Variants in PCNX2 observed in about 807,000 individuals in gnomAD.
PCNX2 encodes pecanex-like protein 2.
In PCNX2, 168 loss-of-function variants were observed where a neutral mutation model predicts 223.8. The ratio of observed to expected loss-of-function variants is 0.75; its 90% confidence interval spans 0.66 to 0.85. The LOEUF is 0.85. Ranked by LOEUF, PCNX2 falls within the 40% of genes least tolerant of loss-of-function variation. PCNX2 has a pLI of 0.00. For synonymous variants in PCNX2, 1,006 were observed against 1,052.6 expected, an observed-to-expected ratio of 0.96 and a Z score of 0.86; for missense variants, 2,507 against 2,675.5, an observed-to-expected ratio of 0.94 and a Z score of 1.39.
chr1:233,016,502 A>G (rs564840107), intron 27 of PCNX2, among the ~76,000 whole-genome samples: 2 of 152,334 alleles, frequency 1.3e-5, no homozygotes, highest in South Asian at 4.1e-4. Flanking sequence ...CAAAATAACG[A>G]TGACAGAAGT....
At chr1:233,202,218 T>TA (rs1345455749) in intron 13 of PCNX2, 1 of 468,370 alleles carries the variant, frequency 2.1e-6, no homozygotes, top group South Asian at 1.6e-5. Context: ...TTTTCAGAAG[T>TA]AAAAAAGTCT....
intron 19 of PCNX2, among the ~76,000 whole-genome samples, chr1:233,153,987 C>T (rs1677967439): frequency 6.6e-6 from 1 of 152,134 alleles, no homozygotes. Context: ...TTAAGAATTG[C>T]AAATTTGGGA....
intron 1 of PCNX2, among the ~76,000 whole-genome samples, chr1:233,267,535 C>G (rs1660405516): frequency 6.6e-6 from 1 of 150,976 alleles, no homozygotes; most frequent in Admixed American, 6.6e-5. Flanking sequence ...CCCCACCCCC[C>G]ATCCCCTGGC....
At chr1:233,302,331 ACTATC>A in the PCNX2 span, among the ~76,000 whole-genome samples, 2,258 of 152,186 alleles carry the variant, frequency 0.015, 95 homozygotes, top group East Asian at 0.19. Context: ...AGTTTGTCAT[ACTATC>A]CTCTTGTGAT....
At chr1:233,166,156 G>A (rs1558301234) in intron 17 of PCNX2, among the ~76,000 whole-genome samples, 1 of 151,726 alleles carries the variant, frequency 6.6e-6, no homozygotes, top group Non-Finnish European at 1.5e-5. Flanking sequence ...GAAAGGTGCT[G>A]GAACAATGGA....
the PCNX2 span, among the ~76,000 whole-genome samples, chr1:233,301,620 T>G: frequency 3.9e-5 from 6 of 152,156 alleles, no homozygotes; most frequent in Non-Finnish European, 7.4e-5. Context: ...CAAGGTTGGC[T>G]TAACATCCAA....
In PCNX2 at chr1:233,208,526, T is replaced by C; in HGVS notation, c.2855A>G (p.Tyr952Cys). The C allele has an allele frequency of 6.2e-7, 1 of 1,613,294 alleles. No individual in the cohort carries two copies. The highest frequency in any genetic ancestry group is 8.5e-7 in the Non-Finnish European group (1 of 1,179,442). Residue 952 changes from tyrosine to cysteine, a missense_variant, in exon 13 of 34, where the codon TAC (tyrosine) becomes TGC (cysteine). Physicochemically the swap from Tyr to Cys is radical, Grantham distance 194 (BLOSUM62 -2). Around this residue, in one of 3 missense-constraint regions of PCNX2, gnomAD observed 104 missense variants for 144.4 expected, o/e 0.72. Coordinates refer to ENST00000258229, the MANE Select transcript of PCNX2 (RefSeq NM_014801.4). ...CCCCATAATTAACTCACCTATTAAG[T>C]AGTCCCTAGCTGATTGTAGAAACAC... Reference protein sequence around the residue: ...SPVFLQSARDYLIVFLYCFPA... With the variant: ...SPVFLQSARDCLIVFLYCFPA...
chr1:232,985,607 C>G (rs1317298473), intron 33 of PCNX2: 1 of 267,928 alleles, frequency 3.7e-6, no homozygotes, highest in Admixed American at 4.8e-5. Context: ...CCTTAGAACT[C>G]TCCTTGTCTA....
rs201663777 is a variant in PCNX2, at chr1:233,094,574, AAGTT to A, written c.3946+1177_3946+1180del. On this transcript the variant is annotated intron_variant, in intron 22 of 33. Coordinates refer to ENST00000258229, the MANE Select transcript of PCNX2 (RefSeq NM_014801.4). ...GTATGCTTAACATTTTTTTTAAAAA[AAGTT>A]AGGGCCTGGAAGAAATCATTTTTCA... Among the ~76,000 whole-genome samples the A allele has an allele frequency of 2.5e-4, 38 of 152,236 alleles. 1 individual carries two copies. The South Asian group carries it at 4.1e-3, about 17-fold the overall frequency.
At chr1:233,002,619 T>C (rs1014644456) in intron 28 of PCNX2, among the ~76,000 whole-genome samples, 2 of 152,234 alleles carry the variant, frequency 1.3e-5, no homozygotes, top group Non-Finnish European at 2.9e-5. Context: ...CCCATCAAGC[T>C]ACCACTGACT....
At chr1:233,138,783 C>CA (rs1266072469) in intron 20 of PCNX2, among the ~76,000 whole-genome samples, 1 of 152,186 alleles carries the variant, frequency 6.6e-6, no homozygotes, top group Non-Finnish European at 1.5e-5. Flanking sequence ...AGGCAGAGTT[C>CA]AATAAGGACA....
At chr1:233,119,306 T>C (rs1359866112) in intron 21 of PCNX2, among the ~76,000 whole-genome samples, 1 of 145,624 alleles carries the variant, frequency 6.9e-6, no homozygotes, top group Non-Finnish European at 1.5e-5. Flanking sequence ...ATGCCTGTAA[T>C]CACAGCACTT....
intron 9 of PCNX2, among the ~76,000 whole-genome samples, chr1:233,236,355 T>C (rs1390089751): frequency 6.6e-6 from 1 of 152,136 alleles, no homozygotes; most frequent in African/African-American, 2.4e-5. Context: ...AGTTATCTCT[T>C]AGTAAAATAA....
chr1:233,174,522 G>A (rs1446043858), intron 17 of PCNX2, among the ~76,000 whole-genome samples: 1 of 151,698 alleles, frequency 6.6e-6, no homozygotes, highest in East Asian at 1.9e-4. Flanking sequence ...AACTCTCAAA[G>A]GAAGCTTAAG....
chr1:233,058,163 C>T, intron 23 of PCNX2: 1 of 597,866 alleles, frequency 1.7e-6, no homozygotes, highest in Non-Finnish European at 2.1e-6. Context: ...GCAGCCAGTC[C>T]ATGACAACCC....
intron 15 of PCNX2, among the ~76,000 whole-genome samples, chr1:233,180,214 T>C (rs1345545267): frequency 6.6e-6 from 1 of 152,226 alleles, no homozygotes; most frequent in African/African-American, 2.4e-5. Context: ...GCAAAGTTAT[T>C]TGAAATGAAA....
At chr1:233,244,749 G>T (rs541448657) in intron 8 of PCNX2, among the ~76,000 whole-genome samples, 23 of 152,114 alleles carry the variant, frequency 1.5e-4, no homozygotes, top group African/African-American at 5.5e-4. Flanking sequence ...ACTCAGGACT[G>T]GAAAATTTAA....
chr1:233,139,179 C>T lies in PCNX2; in HGVS notation c.3659+535G>A, dbSNP rs1030151038. Among the ~76,000 whole-genome samples the T allele has an allele frequency of 2.6e-5, 4 of 151,466 alleles. No individual in the cohort carries two copies. The highest frequency in any genetic ancestry group is 1.9e-4 in the East Asian group (1 of 5,198). On this transcript the variant is annotated intron_variant, in intron 20 of 33. Transcript: ENST00000258229. The surrounding 1 kb of genome is among the most constrained non-coding windows in gnomAD (Gnocchi z 4.4). ...ATTTTAATATATGAAACCAATAACTCGACTGTACATTGTTAATGCTTTGAA... is the reference window on the plus strand; with the variant it reads ...ATTTTAATATATGAAACCAATAACTTGACTGTACATTGTTAATGCTTTGAA...
At chr1:233,157,635 G>T (rs890743946) in intron 19 of PCNX2, among the ~76,000 whole-genome samples, 2 of 152,144 alleles carry the variant, frequency 1.3e-5, no homozygotes, top group Admixed American at 6.6e-5. Flanking sequence ...TGCCTGGCCT[G>T]AGTTACCTGT....
Sources: allele counts gnomAD v4.1 joint callset (sites outside exome capture counted in the v4.1 genomes callset), GRCh38; gene constraint gnomAD v4.1.1; regional missense constraint gnomAD v4.1.1; non-coding constraint Gnocchi (gnomAD v3.1); transcripts MANE v1.5; gene names NCBI Gene and HGNC (gene_info 2026-07-23, HGNC 2026-07-21).